RNLS: variants seen among roughly 807,000 people sequenced by gnomAD.
RNLS encodes the protein renalase.
A neutral mutation model predicts 39.8 loss-of-function variants in RNLS; 39 were observed. That is an observed-to-expected ratio of 0.98 (90% CI 0.76 to 1.28). The LOEUF is 1.28. Among genes scored for constraint, RNLS ranks in the 50% most tolerant of loss-of-function variants. The pLI is 0.00. For synonymous variants in RNLS, 147 were observed against 150.7 expected (o/e 0.98, Z 0.18); for missense variants, 410 against 413.3 (o/e 0.99, Z 0.07).
the RNLS span, among the ~76,000 whole-genome samples, chr10:88,193,564 A>G: frequency 6.6e-6 from 1 of 151,982 alleles, no homozygotes; most frequent in Non-Finnish European, 1.5e-5. Flanking sequence ...TCAAAATCAT[A>G]CGTATTTTTT....
intron 4 of RNLS, among the ~76,000 whole-genome samples, chr10:88,538,009 C>G (rs1847856149): frequency 1.3e-5 from 2 of 152,136 alleles, no homozygotes; most frequent in Non-Finnish European, 2.9e-5. Flanking sequence ...ACTTTTTGTA[C>G]TTGTGAAATC....
chr10:88,173,306 T>G, the RNLS span, among the ~76,000 whole-genome samples: 2 of 152,196 alleles, frequency 1.3e-5, no homozygotes, highest in African/African-American at 4.8e-5. Flanking sequence ...ATGCATTGAC[T>G]TATTTCTGGG....
intron 4 of RNLS, among the ~76,000 whole-genome samples, chr10:88,448,462 A>G (rs1270240525): frequency 3.3e-5 from 5 of 152,158 alleles, no homozygotes; most frequent in Non-Finnish European, 5.9e-5. Context: ...ACCATCTCAC[A>G]CCAGTTAGAA....
chr10:88,183,247 A>G, the RNLS span, among the ~76,000 whole-genome samples: 11 of 152,286 alleles, frequency 7.2e-5, no homozygotes, highest in South Asian at 2.3e-3. Flanking sequence ...AAATGAATTA[A>G]TGAATAAAGC....
chr10:88,373,810 C>T (rs1406935025), intron 4 of RNLS, among the ~76,000 whole-genome samples: 1 of 151,960 alleles, frequency 6.6e-6, no homozygotes, highest in East Asian at 1.9e-4. Context: ...TTATTTCCCA[C>T]CTGAGATTCA....
intron 4 of RNLS, among the ~76,000 whole-genome samples, chr10:88,488,960 C>T (rs1335811267): frequency 6.6e-6 from 1 of 152,156 alleles, no homozygotes; most frequent in Non-Finnish European, 1.5e-5. Flanking sequence ...CTGCAATATG[C>T]TTTTCAGGAC....
At chr10:88,543,502 T>G (rs1440696549) in intron 4 of RNLS, among the ~76,000 whole-genome samples, 1 of 152,166 alleles carries the variant, frequency 6.6e-6, no homozygotes, top group African/African-American at 2.4e-5. Flanking sequence ...GATGAACCAA[T>G]GGGCTGTCTA....
the RNLS span, among the ~76,000 whole-genome samples, chr10:88,214,937 A>G: frequency 6.6e-6 from 1 of 152,294 alleles, no homozygotes; most frequent in Non-Finnish European, 1.5e-5. Flanking sequence ...TGGTTTAGTC[A>G]AGGTATTTGT....
chr10:88,543,381 G>T (rs999276502), intron 4 of RNLS, among the ~76,000 whole-genome samples: 2 of 152,028 alleles, frequency 1.3e-5, no homozygotes, highest in African/African-American at 4.8e-5. Context: ...AAAGAAATTT[G>T]CTCCAATATT....
At chr10:88,360,294 T>C (rs1452904379) in intron 5 of RNLS, among the ~76,000 whole-genome samples, 1 of 152,220 alleles carries the variant, frequency 6.6e-6, no homozygotes, top group African/African-American at 2.4e-5. Flanking sequence ...ACTGGACTTG[T>C]ATAGGCTTAT....
chr10:88,556,954 A>T (rs1848908672), intron 4 of RNLS, among the ~76,000 whole-genome samples: 1 of 152,138 alleles, frequency 6.6e-6, no homozygotes, highest in Non-Finnish European at 1.5e-5. Flanking sequence ...TTCCACTAGA[A>T]TAGAAGTTCC....
chr10:88,213,818 G>A, the RNLS span, among the ~76,000 whole-genome samples: 1 of 152,078 alleles, frequency 6.6e-6, no homozygotes, highest in Non-Finnish European at 1.5e-5. Context: ...CTTTTTCCCC[G>A]ATTTGCTTAT....
intron 4 of RNLS, among the ~76,000 whole-genome samples, chr10:88,452,220 G>C (rs923503171): frequency 5.3e-5 from 8 of 152,184 alleles, no homozygotes; most frequent in Non-Finnish European, 7.3e-5. Context: ...GTGGGTAAGA[G>C]ATGACTAATG....
At chr10:88,222,603 T>A in the RNLS span, among the ~76,000 whole-genome samples, 19 of 152,172 alleles carry the variant, frequency 1.2e-4, no homozygotes, top group Non-Finnish European at 1.2e-4. Context: ...TTGCTTTTTT[T>A]ATTATTATAA....
chr10:88,370,680 A>G (rs1410102837), intron 4 of RNLS, among the ~76,000 whole-genome samples: 1 of 152,204 alleles, frequency 6.6e-6, no homozygotes. Flanking sequence ...GTGGGTACAC[A>G]AGGACAATAG....
At chr10:88,253,134 A>C in the RNLS span, among the ~76,000 whole-genome samples, 1 of 152,178 alleles carries the variant, frequency 6.6e-6, no homozygotes, top group Admixed American at 6.5e-5. Flanking sequence ...TTTCAAAAAC[A>C]CTGGGTCTAC....
At chr10:88,532,684 A>T (rs1420556510) in intron 4 of RNLS, among the ~76,000 whole-genome samples, 1 of 152,082 alleles carries the variant, frequency 6.6e-6, no homozygotes, top group African/African-American at 2.4e-5. Flanking sequence ...CCTAAGGATA[A>T]AGTGTTAGAT....
intron 6 of RNLS, among the ~76,000 whole-genome samples, chr10:88,306,690 G>A (rs1460218021): frequency 6.6e-6 from 1 of 152,020 alleles, no homozygotes; most frequent in African/African-American, 2.4e-5. Context: ...GTAACAAGTA[G>A]CCTACGAACC....
At chr10:88,480,939 T>C (rs1027455885) in intron 4 of RNLS, among the ~76,000 whole-genome samples, 16 of 152,258 alleles carry the variant, frequency 1.1e-4, no homozygotes, top group African/African-American at 3.4e-4. Flanking sequence ...ATCAATTCAG[T>C]TCCATGATTT....
Sources: gnomAD v4.1 joint callset for allele counts (sites outside exome capture counted in the v4.1 genomes callset) on GRCh38, gnomAD v4.1.1 for gene constraint, MANE v1.5 for transcripts, NCBI Gene and HGNC (gene_info 2026-07-23, HGNC 2026-07-21) for gene names.